DNAH2: variants seen among roughly 807,000 people sequenced by gnomAD.
DNAH2 encodes dynein axonemal heavy chain 2.
In DNAH2, 323 loss-of-function variants were observed where a neutral mutation model predicts 523.5. That is an observed-to-expected ratio of 0.62 (90% confidence interval 0.56 to 0.68). The LOEUF (loss-of-function observed/expected upper bound fraction) is 0.68. Among genes scored for constraint, DNAH2 ranks in the 30% least tolerant of loss-of-function variants. The pLI is 0.00. For synonymous variants in DNAH2, 2,093 were observed against 2,177.4 expected (o/e 0.96, Z 1.08); for missense variants, 4,907 against 5,701.5 (o/e 0.86, Z 4.49).
At chr17:7,829,146 C>T (rs1567768025) in intron 77 of DNAH2, among the ~76,000 whole-genome samples, 1 of 152,070 alleles carries the variant, frequency 6.6e-6, no homozygotes, top group Non-Finnish European at 1.5e-5. Context: ...TCCCGAGTAG[C>T]TGGGACTACA....
rs1050728633 is a variant in DNAH2 at position 7,798,062 on chromosome 17, T to C, written c.8231-95T>C. On this transcript the variant is annotated intron_variant, in intron 53 of 85. Coordinates refer to ENST00000572933, the MANE Select transcript of DNAH2 (RefSeq NM_020877.5). The surrounding 1 kb of genome is among the most constrained non-coding windows in gnomAD (Gnocchi z 5.5). Reference sequence around the variant, plus strand: ...TTCTCATACCTCTTGGTTCCTCTGCTTCAGTTTCAGGGGCCCCAATCCCTA... The same window carrying C: ...TTCTCATACCTCTTGGTTCCTCTGCCTCAGTTTCAGGGGCCCCAATCCCTA... 2.7e-6 allele frequency: 4 copies of C among 1,475,436 alleles called. No individual in the cohort carries two copies. Among genetic ancestry groups the C allele is most frequent in the Non-Finnish European group, 3.6e-6 (4 of 1,107,220 alleles). The allele number at this position is 1,475,436 out of a possible 1,614,324, so 91.4% of individuals were successfully genotyped here.
rs761205901 is a variant in DNAH2, at chr17:7,793,465, T to TTC, written c.7569+262_7569+263dup. ...TCTTTCTTTTTCTTTCTTTCTTTCT[T>TTC]TCTTTCTTTCTTTCTTTCTTTCTTT... On this transcript the variant is annotated intron_variant, in intron 48 of 85. Coordinates refer to ENST00000572933, the MANE Select transcript of DNAH2 (RefSeq NM_020877.5). Among the ~76,000 whole-genome samples the TTC allele has an allele frequency of 4.4e-4, 55 of 126,158 alleles. 2 individuals are homozygous for TTC. Among genetic ancestry groups the TTC allele is most frequent in the Non-Finnish European group, 8.5e-4 (46 of 54,220 alleles). The allele number at this position is 126,158 out of a possible 152,430, so 82.8% of individuals were successfully genotyped here.
chr17:7,771,187 C>A, intron 27 of DNAH2, 143 bp from the exon 28 acceptor site: 1 of 1,297,182 alleles, frequency 7.7e-7, no homozygotes, highest in Non-Finnish European at 1.1e-6. Flanking sequence ...TCCAGCTTTC[C>A]TTGTAGAACT....
At position 7,832,278 on chromosome 17, in the gene DNAH2, C is replaced by T. The variant is rs1462877981; in HGVS notation, c.12727-301C>T. Among the ~76,000 whole-genome samples the T allele has an allele frequency of 1.3e-5, 2 of 152,000 alleles. No homozygotes were observed. Among genetic ancestry groups the T allele is most frequent in the Non-Finnish European group, 2.9e-5 (2 of 68,004 alleles). ...ATCTCAGCACTTTGGGAGGCTGAGGCGGGCAGATCACCTGAGTTTAGGAGT... is the reference window on the plus strand; with the variant it reads ...ATCTCAGCACTTTGGGAGGCTGAGGTGGGCAGATCACCTGAGTTTAGGAGT... On this transcript the variant is annotated intron_variant, in intron 82 of 85. Transcript: ENST00000572933. This position sits in a 1 kb window ranked among gnomAD's most constrained non-coding sequence, Gnocchi z 4.3.
intron 70 of DNAH2, 65 bp downstream of exon 70, chr17:7,818,841 T>G (rs1302427219): frequency 1.6e-5 from 25 of 1,609,812 alleles, no homozygotes; most frequent in Non-Finnish European, 1.9e-5. Flanking sequence ...CCACCCAGTC[T>G]ACCCCAGGCA....
chr17:7,807,457 T>C lies in DNAH2; in HGVS notation c.9613-13T>C. The stretch of plus-strand genomic sequence containing the variant: ...TGGTGGGCGACTCCCACAGCCTGAC[T>C]GTCTCCCCACAGCTGTATGGGCGGC... On this transcript the variant is annotated splice_polypyrimidine_tract_variant and intron_variant, in intron 62 of 85. Transcript: ENST00000572933. This position sits in a 1 kb window ranked among gnomAD's most constrained non-coding sequence, Gnocchi z 5.6. The C allele has an allele frequency of 6.2e-7, 1 of 1,612,902 alleles. No homozygotes were observed. The highest frequency in any genetic ancestry group is 8.5e-7 in the Non-Finnish European group (1 of 1,179,842).
rs768551914 is a variant in DNAH2 at position 7,771,449 on chromosome 17, C to T, written c.4482C>T (p.Leu1494=). ...GGATGAACAAGGACAACAATGCTCT[C>T]CGGAGCACCCATCACCCAGGTCAGA... ...MDRMNKDNNA[L]RSTHHPGLLD... is the part of the protein sequence containing the mutation. The change falls in exon 28 of 86, where the codon CTC becomes CTT. Residue 1494 remains leucine (L), a synonymous_variant. Coordinates refer to ENST00000572933, the MANE Select transcript of DNAH2 (RefSeq NM_020877.5). 1.9e-6 allele frequency: 3 copies of T among 1,613,814 alleles called. No individual in the cohort carries two copies. Among genetic ancestry groups the T allele is most frequent in the Non-Finnish European group, 2.5e-6 (3 of 1,179,870 alleles).
At chr17:7,793,810 T>G (rs1218444482) in intron 48 of DNAH2, among the ~76,000 whole-genome samples, 1 of 152,012 alleles carries the variant, frequency 6.6e-6, no homozygotes, top group Non-Finnish European at 1.5e-5. Context: ...CTGGGGTTGT[T>G]TGTGTGTATA....
intron 39 of DNAH2, among the ~76,000 whole-genome samples, chr17:7,783,593 C>T (rs1318811578): frequency 6.6e-6 from 1 of 151,874 alleles, no homozygotes. Context: ...GAGGCATAAG[C>T]AGGTGGATTG....
At chr17:7,735,904 C>A (rs1167708091) in intron 7 of DNAH2, among the ~76,000 whole-genome samples, 2 of 152,072 alleles carry the variant, frequency 1.3e-5, no homozygotes, top group Non-Finnish European at 2.9e-5. Flanking sequence ...AGGTGCCCAC[C>A]ACCATGCCTG....
Position 7,740,867 on chromosome 17 carries a change from G to A in DNAH2, c.1564G>A (p.Glu522Lys). The change falls in exon 11 of 86, where the codon GAG becomes AAG. Residue 522 changes from glutamate to lysine, a missense_variant. Transcript: ENST00000572933. The part of the protein sequence containing the change: ...AVDLYMLFNS[E>K]LALVNRERNK... ...GGATCTCTACATGCTGTTCAATAGC[G>A]AGCTGGCCCTGGTGAACCGTGAACG... The A allele has an allele frequency of 1.2e-6, 2 of 1,613,984 alleles. No homozygotes were observed. The highest frequency in any genetic ancestry group is 1.7e-6 in the Non-Finnish European group (2 of 1,179,876).
Position 7,758,885 on chromosome 17 carries a change from G to A in DNAH2, c.2209G>A (p.Val737Met), listed in dbSNP as rs980720717. 2 of 1,613,762 alleles carry A rather than the reference G, an allele frequency of 1.2e-6. No homozygotes were observed. Among genetic ancestry groups the A allele is most frequent in the African/African-American group, 1.3e-5 (1 of 74,908 alleles). Residue 737 changes from valine (V) to methionine (M), a missense_variant and splice_region_variant, in exon 15 of 86, where the codon GTG becomes ATG. Physicochemically the swap from Val to Met is conservative, Grantham distance 21 (BLOSUM62 1). This residue lies in a region of DNAH2 where 2,806 missense variants were observed against 3,190.8 expected (regional missense o/e 0.88). Transcript: ENST00000572933. ...ITECRIHASK[V>M]QMIVNEFKAS... ...CCCCCATGACGGGGCCTGACTCTAG[G>A]TGCAGATGATTGTGAATGAGTTCAA... is the stretch of plus-strand genomic sequence containing the variant.
At chr17:7,736,202 G>A (rs2075138231) in intron 7 of DNAH2, among the ~76,000 whole-genome samples, 1 of 152,142 alleles carries the variant, frequency 6.6e-6, no homozygotes, top group African/African-American at 2.4e-5. Flanking sequence ...AATTTGATAT[G>A]ATGTGACAGG....
chr17:7,772,751 TTTTTG>T (rs2076351436), intron 28 of DNAH2, among the ~76,000 whole-genome samples: 1 of 110,390 alleles, frequency 9.1e-6, no homozygotes, highest in South Asian at 2.8e-4. Flanking sequence ...TCACATTGGT[TTTTTG>T]TTTGTTTGTT....
Position 7,807,134 on chromosome 17 carries a change from A to T in DNAH2, c.9443-16A>T. ...CATTAAGCCTCTGGCTAAGGCCCCT[A>T]ATTTTCATCCCACAGGGGAACAGAA... On this transcript the variant is annotated splice_polypyrimidine_tract_variant and intron_variant, in intron 61 of 85. Coordinates refer to ENST00000572933, the MANE Select transcript of DNAH2 (RefSeq NM_020877.5). This position sits in a 1 kb window ranked among gnomAD's most constrained non-coding sequence, Gnocchi z 5.6. The T allele has an allele frequency of 6.2e-7, 1 of 1,601,184 alleles. No individual in the cohort carries two copies. Among genetic ancestry groups the T allele is most frequent in the Non-Finnish European group, 8.5e-7 (1 of 1,179,094 alleles).
At chr17:7,765,636 T>TA in intron 21 of DNAH2, 71 bp downstream of exon 21, 4 of 1,537,400 alleles carry the variant, frequency 2.6e-6, no homozygotes, top group Non-Finnish European at 3.5e-6. Flanking sequence ...GCCCAGGTCC[T>TA]GGGAAGGCGA....
At position 7,833,488 on chromosome 17, in the gene DNAH2, T is replaced by C. The variant is rs1324695565; in HGVS notation, c.13239T>C (p.His4413=). The stretch of plus-strand genomic sequence containing the variant: ...GGTCTGGGGCCATGACACCTGATCA[T>C]TGGATCAAGAGGGGCACTGCTCTAC... ...DLRSGAMTPD[H]WIKRGTALLM... Residue 4413 remains histidine, a synonymous_variant, in exon 86 of 86, where the codon CAT becomes CAC. Transcript: ENST00000572933. 1.2e-6 allele frequency: 2 copies of C among 1,613,966 alleles called. No homozygotes were observed. Among genetic ancestry groups the C allele is most frequent in the Non-Finnish European group, 1.7e-6 (2 of 1,180,036 alleles).
chr17:7,723,773 ATTCTCTCTTGTCTGCCAC>A, intron 3 of DNAH2, 84 bp downstream of exon 3: 1 of 1,210,918 alleles, frequency 8.3e-7, no homozygotes, highest in Non-Finnish European at 1.2e-6. Context: ...CACATGAGGA[ATTCTCTCTTGTCTGCCAC>A]TTCTTCTACT....
chr17:7,810,452 G>A (rs557989655), intron 63 of DNAH2, among the ~76,000 whole-genome samples: 1 of 152,122 alleles, frequency 6.6e-6, no homozygotes, highest in East Asian at 1.9e-4. Flanking sequence ...ACGGTGGTGC[G>A]ATCCCAGCTC....
Sources: gnomAD v4.1 joint callset for allele counts (sites outside exome capture counted in the v4.1 genomes callset) on GRCh38, gnomAD v4.1.1 for gene constraint, gnomAD v4.1.1 regional missense constraint, Gnocchi (gnomAD v3.1) non-coding constraint, MANE v1.5 for transcripts, NCBI Gene and HGNC (gene_info 2026-07-23, HGNC 2026-07-21) for gene names.